The following MEF2C variants were observed in gnomAD, a reference collection of about 807,000 sequenced individuals.
The protein encoded by MEF2C is myocyte enhancer factor 2C, also known as myocyte-specific enhancer factor 2C.
Under a neutral mutation model 50.5 loss-of-function variants are expected in MEF2C, and 6 were observed. The observed-to-expected ratio is 0.12, with a 90% CI of 0.07 to 0.23. The LOEUF (loss-of-function observed/expected upper bound fraction) is 0.23, where lower values mean the gene tolerates loss of function less well. Among genes scored for constraint, MEF2C ranks in the 10% least tolerant of loss-of-function variants. The probability of loss-of-function intolerance (pLI) is 1.00; values close to 1 mark genes in which losing one functional copy is unlikely to be tolerated. For missense variants in MEF2C, 276 were observed against 605.0 expected, an observed-to-expected ratio of 0.46 and a Z score of 5.70; for synonymous variants, 183 against 228.0, an observed-to-expected ratio of 0.80 and a Z score of 1.78.
intron 2 of MEF2C, among the ~76,000 whole-genome samples, chr5:88,805,591 T>C (rs1032907907): frequency 2.0e-5 from 3 of 152,156 alleles, no homozygotes; most frequent in African/African-American, 7.2e-5. Context: ...ATGATCTCCC[T>C]GCCTGGAATC....
chr5:88,795,635 T>C (rs1376222600), intron 3 of MEF2C, among the ~76,000 whole-genome samples: 3 of 152,176 alleles, frequency 2.0e-5, no homozygotes, highest in Admixed American at 1.3e-4. Context: ...CCTTTATTTC[T>C]TTCTCTTGCC....
chr5:88,750,309 T>C (rs1290835975), intron 5 of MEF2C: 1 of 151,614 alleles, frequency 6.6e-6, no homozygotes, highest in Non-Finnish European at 1.5e-5. Context: ...GCTCAAGTGG[T>C]CCTCCCACCC....
intron 1 of MEF2C, chr5:88,843,362 C>A: frequency 1.0e-6 from 1 of 979,456 alleles, no homozygotes; most frequent in Non-Finnish European, 1.2e-6. Flanking sequence ...CCAAAAAAAA[C>A]CCTCAAAGGT....
chr5:88,734,593 T>TAA, intron 6 of MEF2C: 2 of 853,872 alleles, frequency 2.3e-6, no homozygotes, highest in Non-Finnish European at 2.7e-6. Context: ...TTTTTTTTTT[T>TAA]TTTTTAGCAT....
At chr5:88,832,211 A>C (rs1031079149) in intron 1 of MEF2C, among the ~76,000 whole-genome samples, 1 of 152,150 alleles carries the variant, frequency 6.6e-6, no homozygotes, top group African/African-American at 2.4e-5. Flanking sequence ...AAATGGACCC[A>C]CATGTACATT....
chr5:88,847,848 T>G (rs996903257), intron 1 of MEF2C, among the ~76,000 whole-genome samples: 1 of 152,174 alleles, frequency 6.6e-6, no homozygotes, highest in Non-Finnish European at 1.5e-5. Flanking sequence ...TCTATTTTGT[T>G]TATCTCATTT....
At chr5:88,739,449 GT>G (rs2152394505) in intron 6 of MEF2C, 1 of 959,884 alleles carries the variant, frequency 1.0e-6, no homozygotes, top group Non-Finnish European at 1.2e-6. Context: ...TTATATTTTA[GT>G]TTTTAAAGTT....
chr5:88,743,502 G>A (rs1767850647), intron 6 of MEF2C: 2 of 984,498 alleles, frequency 2.0e-6, no homozygotes, highest in Admixed American at 1.2e-4. Context: ...AATATGCTAA[G>A]TTTTTTCTTT....
intron 1 of MEF2C, chr5:88,824,306 G>GTACC (rs1247400138): frequency 1.0e-6 from 1 of 985,014 alleles, no homozygotes. Context: ...GAACCTTTAT[G>GTACC]TACCTGTGTA....
At chr5:88,828,401 C>T (rs1811789652) in intron 1 of MEF2C, among the ~76,000 whole-genome samples, 2 of 151,868 alleles carry the variant, frequency 1.3e-5, no homozygotes, top group African/African-American at 4.8e-5. Context: ...AAAAAAAATT[C>T]CGGTTTTCTT....
chr5:88,806,914 C>T (rs1800678679), intron 2 of MEF2C, among the ~76,000 whole-genome samples: 2 of 152,046 alleles, frequency 1.3e-5, no homozygotes, highest in Admixed American at 1.3e-4. Flanking sequence ...GACCAGTAGA[C>T]ATGTGTGGGC....
intron 1 of MEF2C, among the ~76,000 whole-genome samples, chr5:88,870,435 G>A (rs1196964491): frequency 6.6e-6 from 1 of 151,944 alleles, no homozygotes; most frequent in Admixed American, 6.6e-5. Flanking sequence ...TTCATAAACC[G>A]AACCCTGTTA....
chr5:88,843,930 C>T (rs1360000894), intron 1 of MEF2C, among the ~76,000 whole-genome samples: 3 of 151,944 alleles, frequency 2.0e-5, no homozygotes, highest in Non-Finnish European at 4.4e-5. Flanking sequence ...CTGCCTCAGC[C>T]TCCTGAGTAA....
At chr5:88,784,272 A>G (rs1472465093) in intron 3 of MEF2C, among the ~76,000 whole-genome samples, 3 of 152,352 alleles carry the variant, frequency 2.0e-5, no homozygotes, top group East Asian at 1.9e-4. Context: ...AGGTAGTCAA[A>G]TCAATATCAG....
At chr5:88,885,805 A>T (rs1420521156), upstream of MEF2C, among the ~76,000 whole-genome samples, 1 of 152,256 alleles carries the variant, frequency 6.6e-6, no homozygotes, top group African/African-American at 2.4e-5. Flanking sequence ...ATTTGACATG[A>T]GCAAACACAT....
chr5:88,892,951 G>C (rs1307425077), intron 1 of MEF2C, among the ~76,000 whole-genome samples: 5 of 152,224 alleles, frequency 3.3e-5, no homozygotes, highest in African/African-American at 1.2e-4. Context: ...ATGCCTAATG[G>C]AGCGTTCTGT....
intron 4 of MEF2C, among the ~76,000 whole-genome samples, chr5:88,759,782 A>G (rs2152650102): frequency 6.6e-6 from 1 of 152,384 alleles, no homozygotes; most frequent in South Asian, 2.1e-4. Flanking sequence ...TCATTTAACA[A>G]AAGAAGCAGA....
At chr5:88,771,274 A>AT (rs1161064006) in intron 3 of MEF2C, among the ~76,000 whole-genome samples, 1 of 152,216 alleles carries the variant, frequency 6.6e-6, no homozygotes, top group African/African-American at 2.4e-5. Flanking sequence ...ATTTCATGTC[A>AT]TTTGGCAAGT....
chr5:88,872,042 T>C (rs1829682536), intron 1 of MEF2C, among the ~76,000 whole-genome samples: 1 of 152,054 alleles, frequency 6.6e-6, no homozygotes, highest in African/African-American at 2.4e-5. Flanking sequence ...CAAGAGTTCT[T>C]GTGAAGAAAT....
Sources: allele counts gnomAD v4.1 joint callset (sites outside exome capture counted in the v4.1 genomes callset), GRCh38; gene constraint gnomAD v4.1.1; transcripts MANE v1.5; gene names NCBI Gene and HGNC (gene_info 2026-07-23, HGNC 2026-07-21).